SERP2: variants seen among roughly 807,000 people sequenced by gnomAD.
SERP2 encodes the protein stress associated endoplasmic reticulum protein family member 2, also known as stress-associated endoplasmic reticulum protein 2.
Under a neutral mutation model 9.1 loss-of-function variants are expected in SERP2, and 6 were observed. That is an observed-to-expected ratio of 0.66 (90% CI 0.36 to 1.30). The LOEUF is 1.30. SERP2 is among the 50% of genes most tolerant of loss of function. SERP2 has a pLI of 0.03. For missense variants in SERP2, 58 were observed against 81.9 expected (o/e 0.71, Z 1.13); for synonymous variants, 37 against 27.3 (o/e 1.35, Z -1.10).
intron 2 of SERP2, among the ~76,000 whole-genome samples, chr13:44,381,717 G>A (rs1186910531): frequency 6.6e-6 from 1 of 152,138 alleles, no homozygotes; most frequent in Non-Finnish European, 1.5e-5. Flanking sequence ...CTCACGTCTA[G>A]CTGATGGCCA....
intron 2 of SERP2, 91 bp from the exon 3 acceptor site, chr13:44,397,181 C>T: frequency 1.0e-6 from 1 of 990,584 alleles, no homozygotes. Flanking sequence ...ACGTCAGGGC[C>T]CAGGGGTCTG....
At chr13:44,383,169 A>G (rs1045633951) in intron 2 of SERP2, among the ~76,000 whole-genome samples, 3 of 152,140 alleles carry the variant, frequency 2.0e-5, no homozygotes, top group African/African-American at 7.2e-5. Flanking sequence ...CCCCGTGACC[A>G]TGCCACCTGT....
chr13:44,389,244 TACA>T (rs771317280), intron 2 of SERP2, among the ~76,000 whole-genome samples: 15 of 152,342 alleles, frequency 9.8e-5, no homozygotes, highest in Non-Finnish European at 1.8e-4. Flanking sequence ...TGCTAAGAGC[TACA>T]ACTTCAGGGC....
Position 44,397,207 on chromosome 13 carries a change from C to G in SERP2, c.158-65C>G, listed in dbSNP as rs2296272. 2.4e-3 allele frequency: 3,383 copies of G among 1,420,544 alleles called. 59 individuals carry two copies. The East Asian group carries it at 0.044, about 18-fold the overall frequency. The allele number at this position is 1,420,544 out of a possible 1,614,324, so 88.0% of individuals were successfully genotyped here. On this transcript the variant is annotated intron_variant, in intron 2 of 2. Transcript: ENST00000379179. ...CAGGGGTCTGCAGAAGCCGGGCTCA[C>G]TGTGGGCTGGGTTTCCAGCTGTGTG...
chr13:44,378,423 T>C lies in SERP2; in HGVS notation c.85-1218T>C, dbSNP rs148051028. On this transcript the variant is annotated intron_variant, in intron 1 of 2. Coordinates refer to ENST00000379179, the MANE Select transcript of SERP2 (RefSeq NM_001010897.3). Reference sequence around the variant, plus strand: ...TCTGAATGTCAAGCTGTGGTATTTGTATGGATATGAACATACCTTTTAGCC... The same window carrying C: ...TCTGAATGTCAAGCTGTGGTATTTGCATGGATATGAACATACCTTTTAGCC... 5.9e-3 allele frequency among the ~76,000 whole-genome samples: 903 copies of C among 152,348 alleles called. 3 individuals are homozygous for C. Among genetic ancestry groups the C allele is most frequent in the Non-Finnish European group, 0.01 (681 of 68,020 alleles).
At chr13:44,382,689 C>T (rs988728804) in intron 2 of SERP2, among the ~76,000 whole-genome samples, 3 of 152,054 alleles carry the variant, frequency 2.0e-5, no homozygotes, top group Non-Finnish European at 4.4e-5. Flanking sequence ...TTGGAGAAAC[C>T]CACAGAACAC....
chr13:44,377,900 T>A (rs1169499662), intron 1 of SERP2, among the ~76,000 whole-genome samples: 2 of 152,242 alleles, frequency 1.3e-5, no homozygotes, highest in African/African-American at 4.8e-5. Flanking sequence ...TATTACTACA[T>A]GAACAAGACA....
chr13:44,373,937 G>A lies in SERP2; in HGVS notation c.-89G>A. On this transcript the variant is annotated 5_prime_UTR_variant, in exon 1 of 3. Transcript: ENST00000379179. The surrounding 1 kb of genome is among the most constrained non-coding windows in gnomAD (Gnocchi z 4.8). ...ACCTGCAGCGCCCGGGTGGGCCGCG[G>A]GGGCCTCGGCGGGACGCGCTCGGCC... 1 of 1,264,160 alleles carries A rather than the reference G, an allele frequency of 7.9e-7. No individual in the cohort carries two copies. Among genetic ancestry groups the A allele is most frequent in the Non-Finnish European group, 1.1e-6 (1 of 905,046 alleles). 78.3% of individuals were successfully genotyped at this position (1,264,160 alleles called of 1,614,324 possible). A position where few individuals can be genotyped will look rare whatever the true frequency, so the allele number is the denominator to read the frequency against.
intron 2 of SERP2, among the ~76,000 whole-genome samples, chr13:44,382,370 GA>G (rs1872034389): frequency 6.9e-6 from 1 of 144,276 alleles, no homozygotes; most frequent in African/African-American, 2.5e-5. Flanking sequence ...CAGGGAGGTG[GA>G]GCTTGCAGTG....
chr13:44,381,267 C>CGCA lies in SERP2; in HGVS notation c.157+1556_157+1558dup, dbSNP rs1370614629. On this transcript the variant is annotated intron_variant, in intron 2 of 2. Coordinates refer to ENST00000379179, the MANE Select transcript of SERP2 (RefSeq NM_001010897.3). ...AAAAAAAAAAAAAAAAAAAGCCAGG[C>CGCA]GCAGTGGCTCACGCCTGTAATCCCA... is the stretch of plus-strand genomic sequence containing the variant. 3.4e-5 allele frequency among the ~76,000 whole-genome samples: 5 copies of CGCA among 146,932 alleles called. No individual in the cohort carries two copies. The East Asian group carries it at 5.9e-4, about 17-fold the overall frequency.
Position 44,373,841 on chromosome 13 carries a change from G to C in SERP2, c.-185G>C. ...GAGAGATTACTTCCGTCCGGGCTGC[G>C]GCCTCTCTCTGGAGTCGGCTAGCCG... On this transcript the variant is annotated 5_prime_UTR_variant, in exon 1 of 3. Coordinates refer to ENST00000379179, the MANE Select transcript of SERP2 (RefSeq NM_001010897.3). The surrounding 1 kb of genome is among the most constrained non-coding windows in gnomAD (Gnocchi z 4.8). The C allele has an allele frequency of 1.9e-6, 1 of 535,888 alleles. No homozygotes were observed. Among genetic ancestry groups the C allele is most frequent in the South Asian group, 2.5e-5 (1 of 39,358 alleles). 33.2% of individuals were successfully genotyped at this position (535,888 alleles called of 1,614,324 possible).
chr13:44,377,943 T>C (rs1027927372), intron 1 of SERP2, among the ~76,000 whole-genome samples: 6 of 152,198 alleles, frequency 3.9e-5, no homozygotes, highest in African/African-American at 1.2e-4. Flanking sequence ...TGTAGTCTCA[T>C]AGAGAGACAG....
chr13:44,382,436 C>CAAA (rs71202274), intron 2 of SERP2, among the ~76,000 whole-genome samples: 60 of 45,010 alleles, frequency 1.3e-3, no homozygotes, highest in South Asian at 2.2e-3. Context: ...GACTCCGTCT[C>CAAA]AAAAAAAAAA....
chr13:44,384,971 TA>T (rs1316960985), intron 2 of SERP2, among the ~76,000 whole-genome samples: 1 of 152,190 alleles, frequency 6.6e-6, no homozygotes, highest in African/African-American at 2.4e-5. Context: ...GTACCTAGGG[TA>T]AATAAATATT....
chr13:44,392,887 G>C (rs978117123), intron 2 of SERP2, among the ~76,000 whole-genome samples: 1 of 152,174 alleles, frequency 6.6e-6, no homozygotes, highest in South Asian at 2.1e-4. Flanking sequence ...GTAAGGAGAA[G>C]AAAGCCAGTG....
chr13:44,390,917 C>T (rs1029630737), intron 2 of SERP2: 9 of 152,272 alleles, frequency 5.9e-5, no homozygotes, highest in African/African-American at 1.9e-4. Flanking sequence ...TCTACCAGCT[C>T]TTTCATCATT....
At chr13:44,386,020 C>G (rs1266272604) in intron 2 of SERP2, among the ~76,000 whole-genome samples, 2 of 152,176 alleles carry the variant, frequency 1.3e-5, no homozygotes, top group African/African-American at 4.8e-5. Context: ...AATCTATCAG[C>G]AAGCCATGAG....
intron 2 of SERP2, among the ~76,000 whole-genome samples, chr13:44,382,613 T>G (rs1872058860): frequency 6.6e-6 from 1 of 152,116 alleles, no homozygotes; most frequent in Non-Finnish European, 1.5e-5. Flanking sequence ...CTACTTACCC[T>G]TTTTTCCCAG....
chr13:44,377,896 TACATGA>T (rs1476673428), intron 1 of SERP2, among the ~76,000 whole-genome samples: 2 of 152,248 alleles, frequency 1.3e-5, no homozygotes, highest in Non-Finnish European at 2.9e-5. Flanking sequence ...TATATATTAC[TACATGA>T]ACAAGACATA....
Sources: gnomAD v4.1 joint callset for allele counts (sites outside exome capture counted in the v4.1 genomes callset) on GRCh38, gnomAD v4.1.1 for gene constraint, Gnocchi (gnomAD v3.1) non-coding constraint, MANE v1.5 for transcripts, NCBI Gene and HGNC (gene_info 2026-07-23, HGNC 2026-07-21) for gene names.